Variants in SCNN1G observed in about 807,000 individuals in gnomAD.
The protein encoded by SCNN1G is sodium channel epithelial 1 subunit gamma, also known as epithelial sodium channel subunit gamma.
Under a neutral mutation model 64.6 loss-of-function variants are expected in SCNN1G, and 27 were observed. That is an observed-to-expected ratio of 0.42 (90% CI 0.31 to 0.58). The LOEUF is 0.58. Ranked by LOEUF, SCNN1G falls within the 20% of genes least tolerant of loss-of-function variation. SCNN1G has a pLI of 0.18. For synonymous variants in SCNN1G, 330 were observed against 314.2 expected, an observed-to-expected ratio of 1.05 and a Z score of -0.53; for missense variants, 743 against 823.4, an observed-to-expected ratio of 0.90 and a Z score of 1.19.
At chr16:23,199,237 T>A (rs1433638609) in intron 6 of SCNN1G, among the ~76,000 whole-genome samples, 1 of 152,218 alleles carries the variant, frequency 6.6e-6, no homozygotes, top group Non-Finnish European at 1.5e-5. Flanking sequence ...TTTATGCAAA[T>A]ACAAAATATT....
At chr16:23,199,222 C>T (rs1303063158) in intron 6 of SCNN1G, among the ~76,000 whole-genome samples, 4 of 152,168 alleles carry the variant, frequency 2.6e-5, no homozygotes, top group South Asian at 4.1e-4. Context: ...ATAAGCATTT[C>T]TCCTTTTATG....
intron 3 of SCNN1G, among the ~76,000 whole-genome samples, chr16:23,190,966 C>T (rs900080606): frequency 1.3e-5 from 2 of 150,866 alleles, no homozygotes; most frequent in South Asian, 4.2e-4. Context: ...GCCTCAGCCT[C>T]CTGAGTAGCT....
chr16:23,206,688 A>C (rs574998759), intron 6 of SCNN1G, among the ~76,000 whole-genome samples: 1 of 152,286 alleles, frequency 6.6e-6, no homozygotes, highest in East Asian at 1.9e-4. Flanking sequence ...AAAGAAGCAG[A>C]AAGAATCTGG....
chr16:23,211,955 T>A (rs1960086259), intron 7 of SCNN1G, 79 bp from the exon 8 acceptor site: 4 of 1,047,992 alleles, frequency 3.8e-6, no homozygotes, highest in Non-Finnish European at 6.0e-6. Flanking sequence ...GCTGACCCCC[T>A]GGGCTGAGGG....
chr16:23,204,846 G>T (rs114423596), intron 6 of SCNN1G, among the ~76,000 whole-genome samples: 1 of 151,854 alleles, frequency 6.6e-6, no homozygotes, highest in Non-Finnish European at 1.5e-5. Context: ...AGTGGCTCAC[G>T]CCTATAATCC....
chr16:23,186,444 G>C lies in SCNN1G; in HGVS notation c.173G>C (p.Gly58Ala), dbSNP rs748478888. The C allele has an allele frequency of 1.2e-5, 19 of 1,614,202 alleles. No homozygotes were observed. Among genetic ancestry groups the C allele is most frequent in the Non-Finnish European group, 1.6e-5 (19 of 1,180,048 alleles). ...CGTCTGCGCCGCCTCCTCTGGATCG[G>C]GTTCACACTGACTGCCGTGGCCCTC... ...RGRLRRLLWIGFTLTAVALIL... is the reference protein window; with the variant it reads ...RGRLRRLLWIAFTLTAVALIL... Residue 58 changes from glycine to alanine, a missense_variant, in exon 2 of 13, where the codon GGG (glycine) becomes GCG (alanine). Transcript: ENST00000300061.
chr16:23,189,244 T>C, intron 2 of SCNN1G, 127 bp from the exon 3 acceptor site: 1 of 985,288 alleles, frequency 1.0e-6, no homozygotes, highest in Non-Finnish European at 1.6e-6. Flanking sequence ...CGTGGTCTCC[T>C]CTGCCAAGGA....
At chr16:23,211,905 A>T in intron 7 of SCNN1G, 129 bp from the exon 8 acceptor site, 1 of 766,904 alleles carries the variant, frequency 1.3e-6, no homozygotes, top group Non-Finnish European at 2.4e-6. Flanking sequence ...CCCAGTTGGC[A>T]TAAGGGGCAG....
chr16:23,194,173 A>T lies in SCNN1G; in HGVS notation c.812A>T (p.Asn271Ile). Residue 271 changes from asparagine (N) to isoleucine (I), a missense_variant and splice_region_variant, in exon 5 of 13, where the codon AAT (asparagine) becomes ATT (isoleucine). Asn to Ile is a moderately radical substitution (Grantham distance 149). Coordinates refer to ENST00000300061, the MANE Select transcript of SCNN1G (RefSeq NM_001039.4). ...TGACCCATTTTCTTCCTCCATAGGAATTTCACGCTTTTCCACCACCCGATG... is the reference window on the plus strand; with the variant it reads ...TGACCCATTTTCTTCCTCCATAGGATTTTCACGCTTTTCCACCACCCGATG... ...FFDGVSCDAR[N>I]FTLFHHPMHG... The T allele has an allele frequency of 6.2e-7, 1 of 1,611,148 alleles. No individual in the cohort carries two copies. Among genetic ancestry groups the T allele is most frequent in the Non-Finnish European group, 8.5e-7 (1 of 1,177,444 alleles).
At chr16:23,197,757 G>T (rs1308802906) in intron 6 of SCNN1G, among the ~76,000 whole-genome samples, 3 of 152,204 alleles carry the variant, frequency 2.0e-5, no homozygotes, top group East Asian at 3.9e-4. Context: ...GTGTGTGCCT[G>T]TAATACCAGT....
At chr16:23,213,075 G>A (rs1960106340) in intron 10 of SCNN1G, 27 bp from the exon 11 acceptor site, 2 of 1,610,204 alleles carry the variant, frequency 1.2e-6, no homozygotes, top group Non-Finnish European at 1.7e-6. Context: ...GGCACCCTCA[G>A]GCCCACGCTT....
chr16:23,192,513 CT>C lies in SCNN1G; in HGVS notation c.782del (p.Phe261SerfsTer52). On this transcript the variant is annotated frameshift_variant, in exon 4 of 13. Transcript: ENST00000300061. LOFTEE classifies it high-confidence loss of function. ...YSAEELLVTC[F>X]FDGVSCDARN... ...CTGCTGAGGAGCTGCTGGTGACCTG[CT>C]TCTTTGATGGAGTGTCCTGTGATGC... 2 of 1,612,488 alleles carry C rather than the reference CT, an allele frequency of 1.2e-6. No individual in the cohort carries two copies. Among genetic ancestry groups the C allele is most frequent in the Non-Finnish European group, 1.7e-6 (2 of 1,179,968 alleles).
chr16:23,212,631 G>T (rs377371389), intron 8 of SCNN1G, 47 bp from the exon 9 acceptor site: 598 of 1,470,228 alleles, frequency 4.1e-4, no homozygotes, highest in Non-Finnish European at 4.9e-4. Context: ...GGCCAGGAAG[G>T]GTCCTGTGGC....
At chr16:23,188,436 C>T (rs1349050300) in intron 2 of SCNN1G, among the ~76,000 whole-genome samples, 3 of 152,156 alleles carry the variant, frequency 2.0e-5, no homozygotes. Context: ...TGCTTGAGCC[C>T]AGGAGTTCTA....
chr16:23,214,980 C>T (rs1274377361), intron 12 of SCNN1G, 109 bp from the exon 13 acceptor site: 1 of 1,344,840 alleles, frequency 7.4e-7, no homozygotes, highest in Non-Finnish European at 1.1e-6. Context: ...TCCTCCCAGC[C>T]TGTGCAGGGT....
chr16:23,199,619 T>C (rs1043798342), intron 6 of SCNN1G, among the ~76,000 whole-genome samples: 12 of 152,060 alleles, frequency 7.9e-5, no homozygotes, highest in Non-Finnish European at 1.6e-4. Flanking sequence ...GTTATCATTT[T>C]AATTTCATTC....
intron 4 of SCNN1G, among the ~76,000 whole-genome samples, chr16:23,193,691 G>A (rs549477484): frequency 6.6e-6 from 1 of 152,168 alleles, no homozygotes; most frequent in East Asian, 1.9e-4. Flanking sequence ...AAAACACTAA[G>A]CCTCTTTCAC....
intron 7 of SCNN1G, among the ~76,000 whole-genome samples, 161 bp from the exon 8 acceptor site, chr16:23,211,873 G>A (rs1023051337): frequency 1.3e-5 from 2 of 152,128 alleles, no homozygotes; most frequent in Admixed American, 6.5e-5. Context: ...TGGGCCCTTT[G>A]CAGTTCCGGG....
In SCNN1G at chr16:23,215,856, C is replaced by A; in HGVS notation, c.*387C>A. ...AAAGCCGAGGGTTTCACCCACACTG[C>A]CAGCCTGGGTTGGGGCCCAAGGATG... On this transcript the variant is annotated 3_prime_UTR_variant, in exon 13 of 13. Transcript: ENST00000300061. 3.4e-6 allele frequency: 1 copy of A among 297,228 alleles called. No homozygotes were observed. Among genetic ancestry groups the A allele is most frequent in the Non-Finnish European group, 6.4e-6 (1 of 155,644 alleles). 18.4% of individuals were successfully genotyped at this position (297,228 alleles called of 1,614,324 possible).
Sources: gnomAD v4.1 joint callset for allele counts (sites outside exome capture counted in the v4.1 genomes callset) on GRCh38, gnomAD v4.1.1 for gene constraint, MANE v1.5 for transcripts, NCBI Gene and HGNC (gene_info 2026-07-23, HGNC 2026-07-21) for gene names.